CFAP299: variants seen among roughly 807,000 people sequenced by gnomAD.
CFAP299 encodes cilia- and flagella-associated protein 299.
Under a neutral mutation model 27.0 loss-of-function variants are expected in CFAP299, and 21 were observed. That is an observed-to-expected ratio of 0.78 (90% CI 0.55 to 1.12). The LOEUF is 1.12. CFAP299 is among the 50% of genes most tolerant of loss of function. CFAP299 has a pLI of 0.00. For synonymous variants in CFAP299, 104 were observed against 98.1 expected (o/e 1.06, Z -0.36); for missense variants, 310 against 276.6 (o/e 1.12, Z -0.86).
intron 3 of CFAP299, among the ~76,000 whole-genome samples, chr4:80,583,774 AAC>A (rs1334916838): frequency 2.0e-5 from 3 of 151,974 alleles, no homozygotes; most frequent in Admixed American, 1.3e-4. Context: ...TATTTGTGAT[AAC>A]AGTCTTTGTA....
intron 3 of CFAP299, among the ~76,000 whole-genome samples, chr4:80,779,229 A>G (rs1578115814): frequency 6.6e-6 from 1 of 152,056 alleles, no homozygotes; most frequent in Non-Finnish European, 1.5e-5. Flanking sequence ...TCTATGCTGC[A>G]CTCTCTGACA....
chr4:80,706,051 A>G (rs961010393), intron 3 of CFAP299, among the ~76,000 whole-genome samples: 5 of 151,816 alleles, frequency 3.3e-5, no homozygotes, highest in South Asian at 2.1e-4. Context: ...AATGCATACA[A>G]CCTTCTCAGA....
At chr4:80,389,215 C>G (rs745485290) in intron 2 of CFAP299, among the ~76,000 whole-genome samples, 1 of 152,042 alleles carries the variant, frequency 6.6e-6, no homozygotes, top group Non-Finnish European at 1.5e-5. Flanking sequence ...TCTGGATTGT[C>G]TTTTGGATTT....
At chr4:80,692,360 G>A (rs1282195903) in intron 3 of CFAP299, among the ~76,000 whole-genome samples, 1 of 152,068 alleles carries the variant, frequency 6.6e-6, no homozygotes, top group African/African-American at 2.4e-5. Flanking sequence ...TAGATCAATG[G>A]AACAGAACAG....
At chr4:80,394,954 C>A (rs145851546) in intron 2 of CFAP299, among the ~76,000 whole-genome samples, 2 of 151,864 alleles carry the variant, frequency 1.3e-5, no homozygotes, top group African/African-American at 2.4e-5. Context: ...TTTTCTATTT[C>A]TGTGAAAATT....
intron 3 of CFAP299, among the ~76,000 whole-genome samples, chr4:80,771,468 T>C (rs1726213174): frequency 6.7e-6 from 1 of 150,126 alleles, no homozygotes; most frequent in African/African-American, 2.5e-5. Context: ...AATAAAATCA[T>C]AACATGTTCT....
rs763227010 is a variant in CFAP299 at position 80,625,317 on chromosome 4, C to G, written c.333+42134C>G. Among the ~76,000 whole-genome samples, 224 of 151,956 alleles carry G rather than the reference C, an allele frequency of 1.5e-3. 2 individuals carry two copies. The highest frequency in any genetic ancestry group is 2.6e-3 in the Non-Finnish European group (174 of 67,840). ...TATGTTATCAAAGTTAAGTTGTTTT[C>G]AGCTTAAAACATGTTATATTTTTTG... On this transcript the variant is annotated intron_variant, in intron 3 of 5. Coordinates refer to ENST00000358105, the MANE Select transcript of CFAP299 (RefSeq NM_152770.3).
intron 2 of CFAP299, among the ~76,000 whole-genome samples, chr4:80,568,670 C>T (rs1364149432): frequency 6.6e-6 from 1 of 151,904 alleles, no homozygotes; most frequent in Non-Finnish European, 1.5e-5. Context: ...ATATAAGGTA[C>T]TCAGTTTTCC....
intron 3 of CFAP299, among the ~76,000 whole-genome samples, chr4:80,799,858 T>TTATATA (rs1728265927): frequency 3.1e-5 from 1 of 32,184 alleles, no homozygotes; most frequent in South Asian, 1.2e-3. Context: ...AATATATAAA[T>TTATATA]ATATATTATA....
chr4:80,324,660 CACTG>C, the CFAP299 span, among the ~76,000 whole-genome samples: 1 of 152,180 alleles, frequency 6.6e-6, no homozygotes. Flanking sequence ...GGGATACTAA[CACTG>C]AGTAACTCTG....
chr4:80,491,102 A>G (rs911007276), intron 2 of CFAP299, among the ~76,000 whole-genome samples: 2 of 152,086 alleles, frequency 1.3e-5, no homozygotes, highest in Non-Finnish European at 2.9e-5. Flanking sequence ...AAATATAGAT[A>G]TCATTCAGCT....
intron 4 of CFAP299, among the ~76,000 whole-genome samples, chr4:80,899,081 CA>C (rs1734754749): frequency 6.6e-6 from 1 of 152,170 alleles, no homozygotes; most frequent in African/African-American, 2.4e-5. Flanking sequence ...TGATCTTGGG[CA>C]AGTTACTCAA....
chr4:80,822,738 CT>C (rs1729772177), intron 3 of CFAP299, among the ~76,000 whole-genome samples: 1 of 152,126 alleles, frequency 6.6e-6, no homozygotes, highest in Non-Finnish European at 1.5e-5. Context: ...ACCATAAAAA[CT>C]GGATTCCCAT....
chr4:80,864,228 AT>A (rs1732552460), intron 3 of CFAP299, among the ~76,000 whole-genome samples: 3 of 151,696 alleles, frequency 2.0e-5, no homozygotes, highest in South Asian at 2.1e-4. Flanking sequence ...TATTTATAAC[AT>A]TTTAAAATTA....
the CFAP299 span, among the ~76,000 whole-genome samples, chr4:80,322,560 A>T: frequency 6.6e-6 from 1 of 152,068 alleles, no homozygotes; most frequent in Non-Finnish European, 1.5e-5. Context: ...AGTCAAGGGG[A>T]TATAAACAGA....
At chr4:80,446,462 T>C (rs944157194) in intron 2 of CFAP299, among the ~76,000 whole-genome samples, 1 of 152,236 alleles carries the variant, frequency 6.6e-6, no homozygotes, top group Non-Finnish European at 1.5e-5. Context: ...AAGATCTGTT[T>C]GGCACATGAC....
chr4:80,861,492 G>C (rs541917844), intron 3 of CFAP299, among the ~76,000 whole-genome samples: 3 of 152,106 alleles, frequency 2.0e-5, no homozygotes, highest in African/African-American at 7.2e-5. Context: ...GAAATCACCC[G>C]TCTTCTGCGT....
At chr4:80,814,274 CAT>C (rs1163699635) in intron 3 of CFAP299, among the ~76,000 whole-genome samples, 5 of 152,044 alleles carry the variant, frequency 3.3e-5, no homozygotes, top group African/African-American at 7.2e-5. Context: ...GACGTTCACA[CAT>C]GTTACTCAGA....
intron 3 of CFAP299, among the ~76,000 whole-genome samples, chr4:80,585,318 G>T (rs1560638987): frequency 6.6e-6 from 1 of 152,088 alleles, no homozygotes; most frequent in African/African-American, 2.4e-5. Flanking sequence ...TACTGAATTT[G>T]ATTTGTTTTT....
Sources: allele counts gnomAD v4.1 joint callset (sites outside exome capture counted in the v4.1 genomes callset), GRCh38; gene constraint gnomAD v4.1.1; transcripts MANE v1.5; gene names NCBI Gene and HGNC (gene_info 2026-07-23, HGNC 2026-07-21).